Variants in STARD9 observed in about 807,000 individuals in gnomAD.
STARD9 encodes the protein stAR-related lipid transfer protein 9.
In STARD9, 346 loss-of-function variants were observed where a neutral mutation model predicts 399.8. That is an observed-to-expected ratio of 0.87 (90% CI 0.79 to 0.95). The LOEUF (loss-of-function observed/expected upper bound fraction) is 0.95. Ranked by LOEUF, STARD9 falls within the 40% of genes least tolerant of loss-of-function variation. The pLI is 0.00. For missense variants in STARD9, 5,832 were observed against 5,667.5 expected, an observed-to-expected ratio of 1.03 and a Z score of -0.93; for synonymous variants, 2,203 against 2,143.5, an observed-to-expected ratio of 1.03 and a Z score of -0.77.
intron 3 of STARD9, among the ~76,000 whole-genome samples, chr15:42,589,952 CTTTTTTTTTTT>C (rs961377203): frequency 1.2e-4 from 11 of 91,954 alleles, no homozygotes; most frequent in African/African-American, 4.3e-4. Flanking sequence ...AACCTTGATT[CTTTTTTTTTTT>C]TTTTTTTTTT....
At chr15:42,647,968 G>C (rs1197096634) in intron 7 of STARD9, among the ~76,000 whole-genome samples, 1 of 152,166 alleles carries the variant, frequency 6.6e-6, no homozygotes, top group Non-Finnish European at 1.5e-5. Context: ...TGGTTGTTCT[G>C]CTTCTTCCCA....
intron 3 of STARD9, among the ~76,000 whole-genome samples, chr15:42,632,848 AAAAT>A (rs1303737648): frequency 1.3e-5 from 2 of 152,012 alleles, no homozygotes; most frequent in African/African-American, 2.4e-5. Flanking sequence ...TCTCAAGAAA[AAAAT>A]AAATAAAGAG....
intron 15 of STARD9, among the ~76,000 whole-genome samples, chr15:42,667,823 A>G (rs369974723): frequency 8.5e-5 from 13 of 152,276 alleles, no homozygotes; most frequent in African/African-American, 2.2e-4. Context: ...TCAATTTCCA[A>G]TATTCTGTTG....
chr15:42,598,696 A>C (rs184558810), intron 3 of STARD9, among the ~76,000 whole-genome samples: 27 of 152,262 alleles, frequency 1.8e-4, no homozygotes, highest in African/African-American at 6.3e-4. Flanking sequence ...TCAAACATTT[A>C]TCTTTGTGTT....
chr15:42,593,936 G>T (rs2058453928), intron 3 of STARD9, among the ~76,000 whole-genome samples: 1 of 151,780 alleles, frequency 6.6e-6, no homozygotes, highest in Non-Finnish European at 1.5e-5. Flanking sequence ...CCAAAGTTCT[G>T]GGATTACAGG....
intron 3 of STARD9, among the ~76,000 whole-genome samples, chr15:42,622,195 C>T (rs2059106368): frequency 1.3e-5 from 2 of 152,100 alleles, no homozygotes; most frequent in Non-Finnish European, 2.9e-5. Context: ...ACTCCTTGAG[C>T]CCAGGAATTC....
At chr15:42,678,643 AG>A (rs2060360985) in intron 20 of STARD9, among the ~76,000 whole-genome samples, 1 of 152,170 alleles carries the variant, frequency 6.6e-6, no homozygotes, top group East Asian at 1.9e-4. Context: ...CCAGACCCCG[AG>A]GCTGGGGGAC....
At chr15:42,700,058 T>C (rs1310114808) in intron 26 of STARD9, among the ~76,000 whole-genome samples, 1 of 152,200 alleles carries the variant, frequency 6.6e-6, no homozygotes, top group Non-Finnish European at 1.5e-5. Context: ...ATGCCTGGTG[T>C]CTTCCACTTA....
intron 3 of STARD9, among the ~76,000 whole-genome samples, chr15:42,594,771 T>C (rs1394996151): frequency 1.3e-5 from 2 of 152,196 alleles, no homozygotes; most frequent in African/African-American, 2.4e-5. Context: ...AATGTGCCAC[T>C]AGCAGAATCT....
intron 3 of STARD9, among the ~76,000 whole-genome samples, chr15:42,630,840 T>C (rs1381407989): frequency 1.3e-5 from 2 of 152,116 alleles, no homozygotes; most frequent in African/African-American, 4.8e-5. Flanking sequence ...TAAAGGCTTA[T>C]CGATTTTATC....
Position 42,690,580 on chromosome 15 carries a change from C to G in STARD9, c.9002C>G (p.Pro3001Arg), listed in dbSNP as rs928673093. ...ACTATCCACCCACCCTGTGTAGTAC[C>G]TTCCAGGGCCTATGAAATGGATGAG... is the stretch of plus-strand genomic sequence containing the variant. ...PHTIHPPCVV[P>R]SRAYEMDETG... The change falls in exon 23 of 33, where the codon CCT becomes CGT. Residue 3001 changes from proline (P) to arginine (R), a missense_variant. By Grantham distance (103) the Pro-to-Arg change is moderately radical (BLOSUM62 -2). This residue lies in a region of STARD9 where 5,828 missense variants were observed against 5,651.1 expected (regional missense o/e 1.03). Coordinates refer to ENST00000290607, the MANE Select transcript of STARD9 (RefSeq NM_020759.3). The G allele has an allele frequency of 2.0e-6, 3 of 1,537,068 alleles. No individual in the cohort carries two copies. In the African/African-American group the frequency reaches 4.1e-5, roughly 21 times the overall value.
intron 26 of STARD9, among the ~76,000 whole-genome samples, chr15:42,697,402 T>C (rs769973104): frequency 4.7e-4 from 71 of 152,310 alleles, no homozygotes; most frequent in Non-Finnish European, 9.4e-4. Flanking sequence ...TGCCTGGCCT[T>C]CTTTTTAACA....
chr15:42,715,683 A>G (rs1227025881), intron 26 of STARD9, among the ~76,000 whole-genome samples: 1 of 151,670 alleles, frequency 6.6e-6, no homozygotes, highest in Non-Finnish European at 1.5e-5. Context: ...AATTTTTTGT[A>G]TTGTTAGTAG....
rs763117725 is a variant in STARD9 at position 42,695,746 on chromosome 15, G to A, written c.13150G>A (p.Glu4384Lys). The A allele has an allele frequency of 1.3e-6, 2 of 1,536,932 alleles. No homozygotes were observed. Among genetic ancestry groups the A allele is most frequent in the Admixed American group, 2.0e-5 (1 of 50,930 alleles). The part of the protein sequence containing the change: ...QKIISQLLKE[E>K]DKLHTLANSS... ...AATGGTGATTTGTCCTTCCCAGGAA[G>A]AGGATAAACTACATACCTTGGCCAA... The change falls in exon 26 of 33, where the codon GAG (glutamate) becomes AAG (lysine). Residue 4384 changes from glutamate (E) to lysine (K), a missense_variant. Coordinates refer to ENST00000290607, the MANE Select transcript of STARD9 (RefSeq NM_020759.3).
intron 3 of STARD9, among the ~76,000 whole-genome samples, chr15:42,598,713 G>A (rs950211468): frequency 6.6e-6 from 1 of 152,024 alleles, no homozygotes; most frequent in Non-Finnish European, 1.5e-5. Flanking sequence ...TGTTGGGAGT[G>A]TTATAATTCT....
In STARD9 at chr15:42,661,192, C is replaced by G; in HGVS notation, c.737C>G (p.Ala246Gly). Residue 246 changes from alanine to glycine, a missense_variant, in exon 10 of 33, where the codon GCT becomes GGT. Transcript: ENST00000290607. ...GAGAACAACCTCCCTTCTGAAATGG[C>G]TAGCAAGATCAACCTTGTGGACCTA... ...ILENNLPSEM[A>G]SKINLVDLAG... is the part of the protein sequence containing the mutation. 1.3e-6 allele frequency: 2 copies of G among 1,536,892 alleles called. No individual in the cohort carries two copies. The highest frequency in any genetic ancestry group is 1.7e-6 in the Non-Finnish European group (2 of 1,146,650).
At chr15:42,718,350 T>G in intron 30 of STARD9, 85 bp from the exon 31 acceptor site, 2 of 1,287,472 alleles carry the variant, frequency 1.6e-6, no homozygotes, top group Non-Finnish European at 2.2e-6. Context: ...GATGGGGTGT[T>G]GGGGGGAGGG....
In STARD9 at chr15:42,684,716, G is replaced by A; in HGVS notation, c.3138G>A (p.Arg1046=). The change falls in exon 23 of 33, where the codon AGG becomes AGA. Residue 1046 remains arginine, a synonymous_variant. Transcript: ENST00000290607. ...SPSRASKRHQ[R]VLATRVRNIT... ...GCAGGGCATCAAAAAGGCATCAGAG[G>A]GTTCTGGCAACTAGGGTCAGAAATA... The A allele has an allele frequency of 1.3e-6, 2 of 1,537,156 alleles. No homozygotes were observed. Among genetic ancestry groups the A allele is most frequent in the Non-Finnish European group, 1.7e-6 (2 of 1,146,910 alleles).
intron 1 of STARD9, among the ~76,000 whole-genome samples, chr15:42,580,825 A>C (rs1595573454): frequency 6.6e-6 from 1 of 152,126 alleles, no homozygotes; most frequent in Non-Finnish European, 1.5e-5. Context: ...TAAAAAAAAA[A>C]CTAGGAAAGC....
Sources: allele counts gnomAD v4.1 joint callset (sites outside exome capture counted in the v4.1 genomes callset), GRCh38; gene constraint gnomAD v4.1.1; regional missense constraint gnomAD v4.1.1; transcripts MANE v1.5; gene names NCBI Gene and HGNC (gene_info 2026-07-23, HGNC 2026-07-21).